Variants in CERS3 observed in about 807,000 individuals in gnomAD.
CERS3 encodes the protein ceramide synthase 3.
A neutral mutation model predicts 50.3 loss-of-function variants in CERS3; 33 were observed. The ratio of observed to expected loss-of-function variants is 0.66; its 90% CI spans 0.50 to 0.88. The LOEUF (loss-of-function observed/expected upper bound fraction) is 0.88, where lower values mean the gene tolerates loss of function less well. Among genes scored for constraint, CERS3 ranks in the 40% least tolerant of loss-of-function variants. The pLI is 0.00. For synonymous variants in CERS3, 176 were observed against 155.2 expected, an observed-to-expected ratio of 1.13 and a Z score of -0.99; for missense variants, 470 against 460.3, an observed-to-expected ratio of 1.02 and a Z score of -0.19.
At chr15:100,469,232 G>T in intron 10 of CERS3, 146 bp downstream of exon 10, 2 of 596,364 alleles carry the variant, frequency 3.4e-6, no homozygotes, top group South Asian at 2.4e-5. Flanking sequence ...TATAAAAATG[G>T]CTCCATCACA....
At chr15:100,433,465 C>T (rs1191428307) in intron 11 of CERS3, among the ~76,000 whole-genome samples, 6 of 152,164 alleles carry the variant, frequency 3.9e-5, no homozygotes, top group Non-Finnish European at 8.8e-5. Context: ...ACAAATTCCC[C>T]TCTCTAGATG....
chr15:100,450,044 C>A (rs565270935), intron 11 of CERS3, among the ~76,000 whole-genome samples: 1 of 151,428 alleles, frequency 6.6e-6, no homozygotes, highest in Admixed American at 6.6e-5. Context: ...AGATAGAGAT[C>A]GTAAAAAAAA....
intron 10 of CERS3, among the ~76,000 whole-genome samples, chr15:100,468,464 G>T (rs756501729): frequency 6.6e-6 from 1 of 152,146 alleles, no homozygotes; most frequent in Non-Finnish European, 1.5e-5. Context: ...CCAGGAAAGG[G>T]CATTGACCTC....
At chr15:100,469,355 G>A (rs2034887184) in intron 10 of CERS3, 23 bp downstream of exon 10, 1 of 1,581,278 alleles carries the variant, frequency 6.3e-7, no homozygotes, top group Non-Finnish European at 8.7e-7. Flanking sequence ...ACCAAAGGCA[G>A]GGCACATCAC....
Position 100,407,396 on chromosome 15 carries a change from T to C in CERS3, c.1000-4531A>G, listed in dbSNP as rs150370035. ...AGTCACAAAGGTTAGAGAATACTAC[T>C]GATGTTTAGGGAGCAAAGGCTAGGG... is the stretch of plus-strand genomic sequence containing the variant. On this transcript the variant is annotated intron_variant, in intron 11 of 11. Coordinates refer to ENST00000679737, the MANE Select transcript of CERS3 (RefSeq NM_001378789.1). 7.2e-4 allele frequency among the ~76,000 whole-genome samples: 109 copies of C among 152,332 alleles called. 1 individual carries two copies. The highest frequency in any genetic ancestry group is 2.4e-3 in the African/African-American group (101 of 41,574).
At chr15:100,539,529 C>T (rs1426975663) in intron 1 of CERS3, among the ~76,000 whole-genome samples, 1 of 152,164 alleles carries the variant, frequency 6.6e-6, no homozygotes, top group Admixed American at 6.5e-5. Context: ...CACAAGGCAG[C>T]AGGGAAGAAA....
chr15:100,443,151 G>A (rs1465126260), intron 11 of CERS3, among the ~76,000 whole-genome samples: 1,154 of 149,828 alleles, frequency 7.7e-3, no homozygotes, highest in African/African-American at 0.027. Context: ...CCTCCTTTGC[G>A]TCCTCCTCTT....
At chr15:100,484,462 C>A (rs2035426766) in intron 5 of CERS3, 88 bp downstream of exon 5, 2 of 923,568 alleles carry the variant, frequency 2.2e-6, no homozygotes, top group Non-Finnish European at 3.5e-6. Context: ...AACCCTCCCT[C>A]TGCTGCTCCG....
chr15:100,497,383 G>A (rs2035853615), intron 3 of CERS3, among the ~76,000 whole-genome samples: 1 of 150,914 alleles, frequency 6.6e-6, no homozygotes, highest in Admixed American at 6.6e-5. Context: ...TATATGACAG[G>A]GTTTTGGATA....
chr15:100,417,224 T>C (rs1482436974), intron 11 of CERS3, among the ~76,000 whole-genome samples: 2 of 151,536 alleles, frequency 1.3e-5, no homozygotes, highest in East Asian at 2.0e-4. Context: ...AGTGGGTGCG[T>C]GCACCGTGCG....
intron 5 of CERS3, among the ~76,000 whole-genome samples, chr15:100,483,490 A>G (rs1025396539): frequency 6.6e-6 from 1 of 152,174 alleles, no homozygotes; most frequent in Non-Finnish European, 1.5e-5. Flanking sequence ...CTCCAGCCTG[A>G]ACTCTGGAAG....
At chr15:100,522,389 C>T (rs1312658400) in intron 1 of CERS3, among the ~76,000 whole-genome samples, 2 of 152,230 alleles carry the variant, frequency 1.3e-5, no homozygotes, top group Non-Finnish European at 2.9e-5. Context: ...AGTATTGTCA[C>T]TGCTGTATTG....
intron 2 of CERS3, among the ~76,000 whole-genome samples, chr15:100,502,452 T>C (rs2036041337): frequency 1.3e-5 from 2 of 152,174 alleles, no homozygotes; most frequent in South Asian, 2.1e-4. Context: ...GTGAATATTA[T>C]GCACGTGTAT....
At chr15:100,428,718 T>C (rs2032963153) in intron 11 of CERS3, among the ~76,000 whole-genome samples, 1 of 152,220 alleles carries the variant, frequency 6.6e-6, no homozygotes, top group Non-Finnish European at 1.5e-5. Flanking sequence ...CTCAAATAAC[T>C]TACAATCTAT....
intron 2 of CERS3, among the ~76,000 whole-genome samples, chr15:100,521,182 A>G (rs188032452): frequency 9.2e-5 from 14 of 152,348 alleles, no homozygotes; most frequent in African/African-American, 2.4e-4. Flanking sequence ...CATCAAGTCA[A>G]TATTTGCGAA....
chr15:100,450,942 A>G (rs1313017314), intron 11 of CERS3, among the ~76,000 whole-genome samples: 2 of 152,194 alleles, frequency 1.3e-5, no homozygotes, highest in East Asian at 1.9e-4. Flanking sequence ...CAAGAATTCT[A>G]TACTCAGAAA....
intron 10 of CERS3, among the ~76,000 whole-genome samples, chr15:100,459,806 AAC>A (rs1596698730): frequency 6.6e-6 from 1 of 152,230 alleles, no homozygotes; most frequent in Admixed American, 6.5e-5. Context: ...CACCTAAAAT[AAC>A]AGAGTACTGT....
chr15:100,454,377 A>C (rs1422197809), intron 11 of CERS3, among the ~76,000 whole-genome samples: 12 of 89,642 alleles, frequency 1.3e-4, no homozygotes. Flanking sequence ...AAGACAGAGC[A>C]AGGCATTGTC....
chr15:100,429,790 T>C (rs2033019195), intron 11 of CERS3, among the ~76,000 whole-genome samples: 1 of 152,184 alleles, frequency 6.6e-6, no homozygotes, highest in Admixed American at 6.5e-5. Flanking sequence ...CATCACCCCG[T>C]ATTGTACAAT....
Sources: gnomAD v4.1 joint callset for allele counts (sites outside exome capture counted in the v4.1 genomes callset) on GRCh38, gnomAD v4.1.1 for gene constraint, MANE v1.5 for transcripts, NCBI Gene and HGNC (gene_info 2026-07-23, HGNC 2026-07-21) for gene names.